MMAB: variants seen among roughly 807,000 people sequenced by gnomAD.
The protein encoded by MMAB is metabolism of cobalamin associated B.
Under a neutral mutation model 30.6 loss-of-function variants are expected in MMAB, and 17 were observed. The ratio of observed to expected loss-of-function variants is 0.56; its 90% CI spans 0.38 to 0.83. The LOEUF is 0.83. Among genes scored for constraint, MMAB ranks in the 40% least tolerant of loss-of-function variants. MMAB has a pLI of 0.00. For missense variants in MMAB, 311 were observed against 331.6 expected (o/e 0.94, Z 0.48); for synonymous variants, 134 against 138.6 (o/e 0.97, Z 0.23).
chr12:109,555,520 C>T lies in MMAB; in HGVS notation c.*1508G>A. On this transcript the variant is annotated 3_prime_UTR_variant, in exon 9 of 9. Coordinates refer to ENST00000545712, the MANE Select transcript of MMAB (RefSeq NM_052845.4). ...TGTTGACCAGGCTGGTCTCAAACTC[C>T]TGACCTCAGGTGATCTGCCTGCCTC... 2.3e-6 allele frequency: 1 copy of T among 432,860 alleles called. No individual in the cohort carries two copies. The highest frequency in any genetic ancestry group is 1.6e-5 in the South Asian group (1 of 60,654). The allele number at this position is 432,860 out of a possible 1,614,324, so 26.8% of individuals were successfully genotyped here.
At chr12:109,572,869 A>C (rs1291785054) in intron 1 of MMAB, among the ~76,000 whole-genome samples, 1 of 152,234 alleles carries the variant, frequency 6.6e-6, no homozygotes, top group African/African-American at 2.4e-5. Flanking sequence ...AAACAACTCA[A>C]GGACATAGCT....
At chr12:109,567,857 C>G (rs1884490966) in intron 3 of MMAB, 1 of 152,156 alleles carries the variant, frequency 6.6e-6, no homozygotes. Context: ...AGGCTGGTCT[C>G]AAACTCCTGA....
Position 109,561,661 on chromosome 12 carries a change from C to A in MMAB, c.421+119G>T, listed in dbSNP as rs753384439. On this transcript the variant is annotated intron_variant, in intron 5 of 8. Coordinates refer to ENST00000545712, the MANE Select transcript of MMAB (RefSeq NM_052845.4). This position sits in a 1 kb window ranked among gnomAD's most constrained non-coding sequence, Gnocchi z 5.3. ...AAGGTACCTTCCCTCCCAGGAGCTA[C>A]GAGCAAGGCTAACTGACCCACCCGT... 2 of 1,218,178 alleles carry A rather than the reference C, an allele frequency of 1.6e-6. No homozygotes were observed. Among genetic ancestry groups the A allele is most frequent in the South Asian group, 2.6e-5 (2 of 76,936 alleles). 75.5% of individuals were successfully genotyped at this position (1,218,178 alleles called of 1,614,324 possible). A position where few individuals can be genotyped will look rare whatever the true frequency, so the allele number is the denominator to read the frequency against.
At position 109,561,137 on chromosome 12, in the gene MMAB, G is replaced by A; in HGVS notation, c.520-33C>T. 6.2e-7 allele frequency: 1 copy of A among 1,605,772 alleles called. No individual in the cohort carries two copies. The highest frequency in any genetic ancestry group is 1.1e-5 in the South Asian group (1 of 91,062). ...GAGAAAGGGACATTGCCTGAGCAGGGTGGGAAAGGTGTGCCCACTGCGGAC... is the reference window on the plus strand; with the variant it reads ...GAGAAAGGGACATTGCCTGAGCAGGATGGGAAAGGTGTGCCCACTGCGGAC... On this transcript the variant is annotated intron_variant, in intron 6 of 8. Transcript: ENST00000545712. This position sits in a 1 kb window ranked among gnomAD's most constrained non-coding sequence, Gnocchi z 5.3.
At position 109,555,299 on chromosome 12, in the gene MMAB, T is replaced by G. The variant is rs559163901; in HGVS notation, c.*1729A>C. The stretch of plus-strand genomic sequence containing the variant: ...GGTTTTTTTTTTTTTTTTTTTTTTT[T>G]TGTGACGGAGTCTCACTCTATCAGC... On this transcript the variant is annotated 3_prime_UTR_variant, in exon 9 of 9. Transcript: ENST00000545712. 27,410 of 402,764 alleles carry G rather than the reference T, an allele frequency of 0.068. 1,794 individuals are homozygous for G. Among genetic ancestry groups the G allele is most frequent in the Middle Eastern group, 0.11 (132 of 1,250 alleles). 24.9% of individuals were successfully genotyped at this position (402,764 alleles called of 1,614,324 possible). A position where few individuals can be genotyped will look rare whatever the true frequency, so the allele number is the denominator to read the frequency against.
In MMAB at chr12:109,555,991, G is replaced by C. The variant is rs954546247; in HGVS notation, c.*1037C>G. ...GCATTTCAGCCCTGAAACTGGACAA[G>C]AGCCTGCCCTTCCAAAGTCATTTCC... On this transcript the variant is annotated 3_prime_UTR_variant, in exon 9 of 9. Transcript: ENST00000545712. 1 of 453,972 alleles carries C rather than the reference G, an allele frequency of 2.2e-6. No individual in the cohort carries two copies. The highest frequency in any genetic ancestry group is 2.0e-5 in the African/African-American group (1 of 50,012). 28.1% of individuals were successfully genotyped at this position (453,972 alleles called of 1,614,324 possible).
At position 109,569,001 on chromosome 12, in the gene MMAB, A is replaced by G; in HGVS notation, c.197-138T>C. ...CACTCTGTCATCCAGGCTGGAGTAC[A>G]GCGGCGTGATCTTGGCTCACTGCAG... On this transcript the variant is annotated intron_variant, in intron 2 of 8. Coordinates refer to ENST00000545712, the MANE Select transcript of MMAB (RefSeq NM_052845.4). The surrounding 1 kb of genome is among the most constrained non-coding windows in gnomAD (Gnocchi z 4.1). 14 of 717,874 alleles carry G rather than the reference A, an allele frequency of 2.0e-5. No individual in the cohort carries two copies. Among genetic ancestry groups the G allele is most frequent in the South Asian group, 1.8e-4 (11 of 62,594 alleles). The allele number at this position is 717,874 out of a possible 1,614,324, so 44.5% of individuals were successfully genotyped here.
At chr12:109,557,241 C>T (rs868195850) in intron 8 of MMAB, 105 bp from the exon 9 acceptor site, 6 of 816,364 alleles carry the variant, frequency 7.3e-6, no homozygotes, top group Middle Eastern at 2.2e-4. Flanking sequence ...ATAAATGACG[C>T]ACTCTGGGCA....
At chr12:109,564,375 A>G (rs1884332636) in intron 4 of MMAB, among the ~76,000 whole-genome samples, 1 of 146,142 alleles carries the variant, frequency 6.8e-6, no homozygotes, top group African/African-American at 2.5e-5. Context: ...TTTTGGAGAC[A>G]GAGGTTTTTT....
intron 4 of MMAB, chr12:109,564,799 T>A: frequency 2.2e-6 from 1 of 454,236 alleles, no homozygotes; most frequent in South Asian, 2.1e-5. Flanking sequence ...CTACCTCAGT[T>A]TCCTGAGTAG....
rs1314547033 is a variant in MMAB at position 109,554,768 on chromosome 12, C to A, written c.*2260G>T. 1 of 454,140 alleles carries A rather than the reference C, an allele frequency of 2.2e-6. No individual in the cohort carries two copies. Among genetic ancestry groups the A allele is most frequent in the Admixed American group, 2.3e-5 (1 of 42,584 alleles). The allele number at this position is 454,140 out of a possible 1,614,324, so 28.1% of individuals were successfully genotyped here. A position where few individuals can be genotyped will look rare whatever the true frequency, so the allele number is the denominator to read the frequency against. ...CTTTTGCCTCGGGCTCTTGATAGAG[C>A]TTTTGAAAGGCACTGCAGAAGAGCA... On this transcript the variant is annotated 3_prime_UTR_variant, in exon 9 of 9. Coordinates refer to ENST00000545712, the MANE Select transcript of MMAB (RefSeq NM_052845.4).
Position 109,561,679 on chromosome 12 carries a change from C to A in MMAB, c.421+101G>T. The A allele has an allele frequency of 7.8e-7, 1 of 1,283,530 alleles. No homozygotes were observed. Among genetic ancestry groups the A allele is most frequent in the Non-Finnish European group, 1.1e-6 (1 of 906,176 alleles). The allele number at this position is 1,283,530 out of a possible 1,614,324, so 79.5% of individuals were successfully genotyped here. On this transcript the variant is annotated intron_variant, in intron 5 of 8. Transcript: ENST00000545712. This position sits in a 1 kb window ranked among gnomAD's most constrained non-coding sequence, Gnocchi z 5.3. ...GGAGCTACGAGCAAGGCTAACTGACCCACCCGTGGGTCCCTGGGGGCCTGG... is the reference window on the plus strand; with the variant it reads ...GGAGCTACGAGCAAGGCTAACTGACACACCCGTGGGTCCCTGGGGGCCTGG...
intron 3 of MMAB, among the ~76,000 whole-genome samples, chr12:109,565,879 G>T (rs569364142): frequency 6.6e-6 from 1 of 152,280 alleles, no homozygotes; most frequent in African/African-American, 2.4e-5. Flanking sequence ...CACAGGTCAG[G>T]ACCCTGGCTC....
intron 2 of MMAB, among the ~76,000 whole-genome samples, chr12:109,570,873 C>CAAAAAAAAAAA (rs111235348): frequency 1.5e-4 from 14 of 92,368 alleles, no homozygotes; most frequent in African/African-American, 3.9e-4. Flanking sequence ...AACCCTGTAT[C>CAAAAAAAAAAA]AAAAAAAAAA....
Position 109,555,291 on chromosome 12 carries a change from T to TTTTTTTTTTG in MMAB, c.*1727_*1736dup, listed in dbSNP as rs1883931470. 2.4e-6 allele frequency: 1 copy of TTTTTTTTTTG among 425,146 alleles called. No homozygotes were observed. Among genetic ancestry groups the TTTTTTTTTTG allele is most frequent in the African/African-American group, 2.4e-5 (1 of 41,732 alleles). The allele number at this position is 425,146 out of a possible 1,614,324, so 26.3% of individuals were successfully genotyped here. Reference sequence around the variant, plus strand: ...GTTTTCAGGGTTTTTTTTTTTTTTTTTTTTTTTTTGTGACGGAGTCTCACT... The same window carrying TTTTTTTTTTG: ...GTTTTCAGGGTTTTTTTTTTTTTTTTTTTTTTTTTGTTTTTTTTTGTGACGGAGTCTCACT... On this transcript the variant is annotated 3_prime_UTR_variant, in exon 9 of 9. Transcript: ENST00000545712.
intron 3 of MMAB, among the ~76,000 whole-genome samples, chr12:109,565,956 G>A (rs1327587018): frequency 6.6e-6 from 1 of 152,186 alleles, no homozygotes; most frequent in East Asian, 1.9e-4. Context: ...ACAGTGGCGC[G>A]CTGCAGGGAT....
rs759898774 is a variant in MMAB, at chr12:109,561,762, C to G, written c.421+18G>C. 1.9e-6 allele frequency: 3 copies of G among 1,600,092 alleles called. No individual in the cohort carries two copies. The Admixed American group carries it at 5.1e-5, about 27-fold the overall frequency. ...GACCCTAGGGCCCTCTGAACACCCA[C>G]AGGAGTTTGAGAATTACTTAAGTGA... On this transcript the variant is annotated intron_variant, in intron 5 of 8. Coordinates refer to ENST00000545712, the MANE Select transcript of MMAB (RefSeq NM_052845.4). This position sits in a 1 kb window ranked among gnomAD's most constrained non-coding sequence, Gnocchi z 5.3.
chr12:109,567,094 C>T (rs887358627), intron 3 of MMAB: 19 of 452,660 alleles, frequency 4.2e-5, no homozygotes, highest in African/African-American at 2.0e-4. Context: ...CGCTTGAACC[C>T]GGGAGGCAGA....
rs1205220665 is a variant in MMAB at position 109,556,800 on chromosome 12, C to A, written c.*228G>T. 1.1e-5 allele frequency: 7 copies of A among 653,042 alleles called. No individual in the cohort carries two copies. The highest frequency in any genetic ancestry group is 6.2e-5 in the Admixed American group (3 of 48,446). 40.5% of individuals were successfully genotyped at this position (653,042 alleles called of 1,614,324 possible). A position where few individuals can be genotyped will look rare whatever the true frequency, so the allele number is the denominator to read the frequency against. ...ATGCCAATTCATTCCCACATCCCTC[C>A]AAGACCCAGGAGAGCTTGGGGAAGC... is the stretch of plus-strand genomic sequence containing the variant. On this transcript the variant is annotated 3_prime_UTR_variant, in exon 9 of 9. Coordinates refer to ENST00000545712, the MANE Select transcript of MMAB (RefSeq NM_052845.4).
Sources: gnomAD v4.1 joint callset for allele counts (sites outside exome capture counted in the v4.1 genomes callset) on GRCh38, gnomAD v4.1.1 for gene constraint, Gnocchi (gnomAD v3.1) non-coding constraint, MANE v1.5 for transcripts, NCBI Gene and HGNC (gene_info 2026-07-23, HGNC 2026-07-21) for gene names.